Variants in GARS1 observed in about 807,000 individuals in gnomAD.
The protein encoded by GARS1 is glycyl-tRNA synthetase 1.
Under a neutral mutation model 86.4 loss-of-function variants are expected in GARS1, and 46 were observed. The ratio of observed to expected loss-of-function variants is 0.53; its 90% CI spans 0.42 to 0.68. GARS1 has a LOEUF of 0.68. Among genes scored for constraint, GARS1 ranks in the 30% least tolerant of loss-of-function variants. The probability of loss-of-function intolerance (pLI) is 0.00; values close to 1 mark genes in which losing one functional copy is unlikely to be tolerated. For synonymous variants in GARS1, 342 were observed against 329.8 expected (o/e 1.04, Z -0.40); for missense variants, 797 against 915.6 (o/e 0.87, Z 1.67).
chr7:30,627,079 A>G (rs1019174568), intron 13 of GARS1: 4 of 467,192 alleles, frequency 8.6e-6, no homozygotes, highest in South Asian at 3.1e-5. Flanking sequence ...GAATTAGGCA[A>G]TGAGTAATTT....
chr7:30,599,465 C>T (rs912062577), intron 2 of GARS1, among the ~76,000 whole-genome samples: 5 of 151,852 alleles, frequency 3.3e-5, no homozygotes, highest in African/African-American at 7.3e-5. Context: ...TGCAATGGTG[C>T]GATCTCAGCT....
At chr7:30,616,154 T>G (rs1782886472) in intron 9 of GARS1, 96 bp downstream of exon 9, 1 of 1,390,902 alleles carries the variant, frequency 7.2e-7, no homozygotes, top group Admixed American at 1.7e-5. Flanking sequence ...GATATTTTAT[T>G]TTGGCAGTCA....
chr7:30,614,650 C>T (rs897623135), intron 8 of GARS1, among the ~76,000 whole-genome samples: 21 of 151,850 alleles, frequency 1.4e-4, no homozygotes, highest in South Asian at 2.1e-4. Flanking sequence ...CAGAGGCGGG[C>T]GGATCATGAG....
chr7:30,617,249 T>G lies in GARS1; in HGVS notation c.1330T>G (p.Cys444Gly). The G allele has an allele frequency of 6.2e-7, 1 of 1,613,980 alleles. No homozygotes were observed. The change falls in exon 10 of 17, where the codon TGT becomes GGT. Residue 444 changes from cysteine to glycine, a missense_variant. This residue lies in a region of GARS1 where 598 missense variants were observed against 738.7 expected (regional missense o/e 0.81). Transcript: ENST00000389266. ...TGAGATGGCCCATTATGCCTGTGAC[T>G]GTTGGGATGCAGAATCCAAAACATC... ...ENEMAHYACD[C>G]WDAESKTSYG...
At chr7:30,623,477 TG>T (rs989882614) in intron 12 of GARS1, among the ~76,000 whole-genome samples, 2 of 152,114 alleles carry the variant, frequency 1.3e-5, no homozygotes, top group Non-Finnish European at 2.9e-5. Flanking sequence ...AAAATGTCAC[TG>T]GATGGGATTA....
At chr7:30,603,702 C>T (rs1250601867) in intron 6 of GARS1, 130 bp downstream of exon 6, 7 of 730,948 alleles carry the variant, frequency 9.6e-6, no homozygotes, top group Non-Finnish European at 1.7e-5. Flanking sequence ...TTAATTCTGT[C>T]CTGTATAGCG....
At chr7:30,595,977 T>G in intron 1 of GARS1, 1 of 458,256 alleles carries the variant, frequency 2.2e-6, no homozygotes, top group South Asian at 1.6e-5. Flanking sequence ...TGATTTAATA[T>G]AGACCTCCTT....
intron 1 of GARS1, among the ~76,000 whole-genome samples, chr7:30,597,614 TTGAG>T (rs751749654): frequency 8.7e-4 from 132 of 152,344 alleles, no homozygotes; most frequent in Non-Finnish European, 1.7e-3. Flanking sequence ...ACAAGCCACC[TTGAG>T]TGAGACTTAG....
intron 7 of GARS1, among the ~76,000 whole-genome samples, chr7:30,610,612 A>G (rs1791579850): frequency 1.3e-5 from 2 of 152,234 alleles, no homozygotes; most frequent in Admixed American, 1.3e-4. Flanking sequence ...GCCAGTGGCA[A>G]GCCTTTCATT....
chr7:30,617,352 T>C, intron 10 of GARS1, 74 bp downstream of exon 10: 1 of 1,510,166 alleles, frequency 6.6e-7, no homozygotes, highest in South Asian at 1.2e-5. Flanking sequence ...TGAATTTTTG[T>C]GCACTTTATG....
At chr7:30,622,240 T>C in intron 11 of GARS1, 77 bp from the exon 12 acceptor site, 2 of 1,558,006 alleles carry the variant, frequency 1.3e-6, no homozygotes, top group Non-Finnish European at 8.8e-7. Context: ...TTTAAGTTGA[T>C]GATTGATTGT....
chr7:30,605,512 T>G (rs970947199), intron 6 of GARS1, among the ~76,000 whole-genome samples: 4 of 152,216 alleles, frequency 2.6e-5, no homozygotes, highest in Admixed American at 2.6e-4. Flanking sequence ...TTCTTTCCCC[T>G]AATTCTTTGT....
At chr7:30,603,452 T>G (rs1791420375) in intron 5 of GARS1, 44 bp from the exon 6 acceptor site, 1 of 1,458,504 alleles carries the variant, frequency 6.9e-7, no homozygotes, top group Non-Finnish European at 9.6e-7. Flanking sequence ...AAGTGCATTG[T>G]CCTTTTTCCC....
intron 13 of GARS1, among the ~76,000 whole-genome samples, chr7:30,626,642 C>T (rs535468949): frequency 6.6e-6 from 1 of 152,336 alleles, no homozygotes; most frequent in South Asian, 2.1e-4. Context: ...TGAGTGACCA[C>T]GCCTGGCCCT....
rs1782916072 is a variant in GARS1, at chr7:30,617,636, T to C, written c.1359+358T>C. ...GCAAACATTGGAAATGGTGGAGAGG[T>C]TGAATAAAGAAAGTCATAGTGCTCT... On this transcript the variant is annotated intron_variant, in intron 10 of 16. Coordinates refer to ENST00000389266, the MANE Select transcript of GARS1 (RefSeq NM_002047.4). 2.0e-5 allele frequency among the ~76,000 whole-genome samples: 3 copies of C among 151,996 alleles called. No individual in the cohort carries two copies. In the South Asian group the frequency reaches 6.2e-4, roughly 32 times the overall value.
Position 30,594,980 on chromosome 7 carries a change from T to TGCC in GARS1, c.63_65dup (p.Pro22dup). On this transcript the variant is annotated inframe_insertion, in exon 1 of 17. Coordinates refer to ENST00000389266, the MANE Select transcript of GARS1 (RefSeq NM_002047.4). Reference sequence around the variant, plus strand: ...GCTCGCGCCGCTCTGCTGCTGCTGCTGCCGCCCCGGCTCTTAGCCCGACCC... The same window carrying TGCC: ...GCTCGCGCCGCTCTGCTGCTGCTGCTGCCGCCGCCCCGGCTCTTAGCCCGACCC... 1 of 1,594,120 alleles carries TGCC rather than the reference T, an allele frequency of 6.3e-7. No homozygotes were observed. Among genetic ancestry groups the TGCC allele is most frequent in the Non-Finnish European group, 8.5e-7 (1 of 1,177,694 alleles).
At chr7:30,619,406 T>G (rs1026896819) in intron 10 of GARS1, among the ~76,000 whole-genome samples, 1 of 152,150 alleles carries the variant, frequency 6.6e-6, no homozygotes, top group Non-Finnish European at 1.5e-5. Flanking sequence ...AATAAAAAAA[T>G]TTACCGTTGC....
chr7:30,615,861 A>G, intron 8 of GARS1, 35 bp from the exon 9 acceptor site: 1 of 1,611,086 alleles, frequency 6.2e-7, no homozygotes, highest in Non-Finnish European at 8.5e-7. Flanking sequence ...TTGTAGTTAA[A>G]TATGCAGGTT....
At chr7:30,610,054 T>C (rs1047215033) in intron 7 of GARS1, among the ~76,000 whole-genome samples, 1 of 152,182 alleles carries the variant, frequency 6.6e-6, no homozygotes, top group African/African-American at 2.4e-5. Flanking sequence ...CTGAAGGATA[T>C]TTTAGAAACC....
Sources: gnomAD v4.1 joint callset for allele counts (sites outside exome capture counted in the v4.1 genomes callset) on GRCh38, gnomAD v4.1.1 for gene constraint, gnomAD v4.1.1 regional missense constraint, MANE v1.5 for transcripts, NCBI Gene and HGNC (gene_info 2026-07-23, HGNC 2026-07-21) for gene names.